The following PHACTR4 variants were observed in gnomAD, a reference collection of about 807,000 sequenced individuals.
PHACTR4 encodes the protein phosphatase and actin regulator 4.
PHACTR4 carries 51 observed loss-of-function variants against 72.7 expected under a neutral mutation model. The observed-to-expected ratio is 0.70, with a 90% CI of 0.56 to 0.89. The LOEUF is 0.89. PHACTR4 is among the 40% of genes least tolerant of loss of function. PHACTR4 has a pLI of 0.00. For synonymous variants in PHACTR4, 255 were observed against 302.5 expected, an observed-to-expected ratio of 0.84 and a Z score of 1.63; for missense variants, 731 against 861.8, an observed-to-expected ratio of 0.85 and a Z score of 1.90.
intron 2 of PHACTR4, among the ~76,000 whole-genome samples, chr1:28,438,897 G>C (rs1656807223): frequency 6.6e-6 from 1 of 152,080 alleles, no homozygotes. Flanking sequence ...TAAGTCTCAG[G>C]CATTTTCCAT....
chr1:28,379,787 C>T (rs1382965729), intron 1 of PHACTR4, among the ~76,000 whole-genome samples: 6 of 151,510 alleles, frequency 4.0e-5, no homozygotes, highest in Admixed American at 3.3e-4. Flanking sequence ...GACGGGGTTT[C>T]ACCGTGTTAG....
At chr1:28,458,967 T>A in intron 2 of PHACTR4, 118 bp from the exon 3 acceptor site, 1 of 851,024 alleles carries the variant, frequency 1.2e-6, no homozygotes, top group Non-Finnish European at 1.8e-6. Context: ...TCTGCATGAT[T>A]GTTTATCGTT....
chr1:28,480,205 G>A (rs963073509), intron 8 of PHACTR4, among the ~76,000 whole-genome samples: 1 of 152,158 alleles, frequency 6.6e-6, no homozygotes, highest in Non-Finnish European at 1.5e-5. Flanking sequence ...TACCAAGGAG[G>A]AAAAATGTAG....
chr1:28,478,937 A>G (rs1366736353), intron 8 of PHACTR4, among the ~76,000 whole-genome samples: 1 of 152,076 alleles, frequency 6.6e-6, no homozygotes, highest in Non-Finnish European at 1.5e-5. Flanking sequence ...TCAGTTTTTT[A>G]AGGAACCTCC....
intron 8 of PHACTR4, among the ~76,000 whole-genome samples, chr1:28,476,667 A>G (rs1223756920): frequency 6.6e-6 from 1 of 151,396 alleles, no homozygotes; most frequent in East Asian, 1.9e-4. Flanking sequence ...CAACCTCCCA[A>G]ATAGCTAGGA....
At chr1:28,440,851 GC>G (rs1234789762) in intron 2 of PHACTR4, among the ~76,000 whole-genome samples, 1 of 152,100 alleles carries the variant, frequency 6.6e-6, no homozygotes, top group Non-Finnish European at 1.5e-5. Flanking sequence ...AATTTTCAAA[GC>G]CTTTATGTGG....
At position 28,463,732 on chromosome 1, in the gene PHACTR4, T is replaced by C. The variant is rs1011901946; in HGVS notation, c.272-1953T>C. Reference sequence around the variant, plus strand: ...CTTTGAGCCTACACTCCACCTCTTATTGGAACTTCATGAAGAATGATGTTG... The same window carrying C: ...CTTTGAGCCTACACTCCACCTCTTACTGGAACTTCATGAAGAATGATGTTG... On this transcript the variant is annotated intron_variant, in intron 4 of 13. Transcript: ENST00000373839. Among the ~76,000 whole-genome samples the C allele has an allele frequency of 1.4e-4, 22 of 152,290 alleles. No homozygotes were observed. In the East Asian group the frequency reaches 1.5e-3, roughly 11 times the overall value.
chr1:28,470,230 A>G (rs1340693516), intron 6 of PHACTR4, among the ~76,000 whole-genome samples: 1 of 151,854 alleles, frequency 6.6e-6, no homozygotes, highest in African/African-American at 2.4e-5. Flanking sequence ...CCATCTCTAT[A>G]AAATATTTAA....
chr1:28,393,907 T>G (rs1343374363), intron 1 of PHACTR4, among the ~76,000 whole-genome samples: 1 of 151,882 alleles, frequency 6.6e-6, no homozygotes, highest in Admixed American at 6.6e-5. Flanking sequence ...GAGACAAGGT[T>G]TTGCCATGTT....
chr1:28,386,782 A>C (rs1652588607), intron 1 of PHACTR4, among the ~76,000 whole-genome samples: 1 of 152,180 alleles, frequency 6.6e-6, no homozygotes, highest in South Asian at 2.1e-4. Context: ...CACCTAGGTC[A>C]TTAGATATTT....
intron 2 of PHACTR4, chr1:28,438,388 G>A (rs1656769456): frequency 6.2e-7 from 1 of 1,612,022 alleles, no homozygotes; most frequent in African/African-American, 1.3e-5. Flanking sequence ...TATAATCATG[G>A]GACAAGCTGA....
chr1:28,475,729 CTTT>C (rs71672836), intron 7 of PHACTR4, among the ~76,000 whole-genome samples: 2 of 135,282 alleles, frequency 1.5e-5, no homozygotes, highest in Non-Finnish European at 1.6e-5. Context: ...AGTCCTTTGT[CTTT>C]TTTTTTTTTT....
Position 28,475,729 on chromosome 1 carries a change from C to CTTTTTTTTTT in PHACTR4, c.1422-373_1422-364dup, listed in dbSNP as rs71672836. 3.5e-3 allele frequency among the ~76,000 whole-genome samples: 470 copies of CTTTTTTTTTT among 135,232 alleles called. 21 individuals carry two copies. Among genetic ancestry groups the CTTTTTTTTTT allele is most frequent in the African/African-American group, 0.013 (439 of 33,918 alleles). 88.7% of individuals were successfully genotyped at this position (135,232 alleles called of 152,430 possible). ...ATTTATGGTTATTTCAGTCCTTTGT[C>CTTTTTTTTTT]TTTTTTTTTTTTTTGAGATAGAATC... is the stretch of plus-strand genomic sequence containing the variant. On this transcript the variant is annotated intron_variant, in intron 7 of 13. Coordinates refer to ENST00000373839, the MANE Select transcript of PHACTR4 (RefSeq NM_001048183.3).
rs567152653 is a variant in PHACTR4 at position 28,465,379 on chromosome 1, G to A, written c.272-306G>A. ...GGAGGCTGAGGCAGGAGAATGGCGT[G>A]AACCCGGGAGGCAGAGGCTGCAGCG... On this transcript the variant is annotated intron_variant, in intron 4 of 13. Coordinates refer to ENST00000373839, the MANE Select transcript of PHACTR4 (RefSeq NM_001048183.3). 2.1e-4 allele frequency among the ~76,000 whole-genome samples: 32 copies of A among 152,246 alleles called. 1 individual carries two copies. In the South Asian group the frequency reaches 6.4e-3, roughly 31 times the overall value.
chr1:28,416,357 G>A (rs1427820394), intron 2 of PHACTR4, among the ~76,000 whole-genome samples: 3 of 152,134 alleles, frequency 2.0e-5, no homozygotes, highest in Non-Finnish European at 4.4e-5. Flanking sequence ...CTGCCCAGTA[G>A]TAAACACACA....
At chr1:28,438,379 A>G in intron 2 of PHACTR4, 1 of 1,612,154 alleles carries the variant, frequency 6.2e-7, no homozygotes, top group Non-Finnish European at 8.5e-7. Flanking sequence ...ATCAGACAAT[A>G]TAATCATGGG....
intron 1 of PHACTR4, among the ~76,000 whole-genome samples, chr1:28,388,234 A>G (rs1173081320): frequency 6.6e-6 from 1 of 152,184 alleles, no homozygotes; most frequent in Admixed American, 6.6e-5. Flanking sequence ...TAAAATTTGT[A>G]TGGAACACAA....
Position 28,498,802 on chromosome 1 carries a change from G to T in PHACTR4, c.*2253G>T, listed in dbSNP as rs1346941104. The T allele has an allele frequency of 6.6e-6, 1 of 151,992 alleles. No homozygotes were observed. Among genetic ancestry groups the T allele is most frequent in the African/African-American group, 2.4e-5 (1 of 41,374 alleles). The allele number at this position is 151,992 out of a possible 1,614,324, so 9.4% of individuals were successfully genotyped here. A position where few individuals can be genotyped will look rare whatever the true frequency, so the allele number is the denominator to read the frequency against. Reference sequence around the variant, plus strand: ...AATATCAGTTCAAAACAAAACCTAGGCCAGGCATGGTGGTTCACGCCTATA... The same window carrying T: ...AATATCAGTTCAAAACAAAACCTAGTCCAGGCATGGTGGTTCACGCCTATA... On this transcript the variant is annotated 3_prime_UTR_variant, in exon 14 of 14. Coordinates refer to ENST00000373839, the MANE Select transcript of PHACTR4 (RefSeq NM_001048183.3).
At chr1:28,460,362 T>C (rs777266297) in intron 4 of PHACTR4, 70 bp downstream of exon 4, 9 of 1,142,122 alleles carry the variant, frequency 7.9e-6, no homozygotes, top group South Asian at 5.9e-5. Flanking sequence ...TGACGAGATA[T>C]TTGAATTTTC....
Sources: gnomAD v4.1 joint callset for allele counts (sites outside exome capture counted in the v4.1 genomes callset) on GRCh38, gnomAD v4.1.1 for gene constraint, MANE v1.5 for transcripts, NCBI Gene and HGNC (gene_info 2026-07-23, HGNC 2026-07-21) for gene names.